The following FAAH2 variants were observed in gnomAD, a reference collection of about 807,000 sequenced individuals.
The protein encoded by FAAH2 is fatty acid amide hydrolase 2, also known as fatty-acid amide hydrolase 2.
A neutral mutation model predicts 36.9 loss-of-function variants in FAAH2; 60 were observed. The observed-to-expected ratio is 1.63, with a 90% CI of 1.32 to 2.02. The LOEUF (loss-of-function observed/expected upper bound fraction) is 2.02, where lower values mean the gene tolerates loss of function less well. Ranked by LOEUF, FAAH2 falls within the 30% of genes most tolerant of loss-of-function variation. The pLI is 0.00. For missense variants in FAAH2, 689 were observed against 397.5 expected (o/e 1.73, Z -6.23); for synonymous variants, 214 against 143.8 (o/e 1.49, Z -3.49).
the FAAH2 span, among the ~76,000 whole-genome samples, chrX:57,216,618 ATATACGTATATATATATACG>A: frequency 1.1e-5 from 1 of 89,177 alleles, no homozygotes; most frequent in Non-Finnish European, 2.3e-5. Context: ...ACGTATATAT[ATATACGTATATATATATACG>A]TATATATATA....
the FAAH2 span, among the ~76,000 whole-genome samples, chrX:57,151,139 C>T: frequency 1.8e-5 from 2 of 112,536 alleles, no homozygotes; most frequent in Non-Finnish European, 3.7e-5. Flanking sequence ...CACTGTTAGT[C>T]TGATGGGCTT....
At chrX:57,484,705 T>C (rs1215408924) in intron 10 of FAAH2, among the ~76,000 whole-genome samples, 2 of 111,440 alleles carry the variant, frequency 1.8e-5, no homozygotes, top group African/African-American at 6.5e-5. Context: ...TTTCAGCCCA[T>C]GTGGTGAGTG....
intron 7 of FAAH2, among the ~76,000 whole-genome samples, chrX:57,409,537 G>A (rs2055648887): frequency 9.1e-6 from 1 of 110,387 alleles, no homozygotes; most frequent in Non-Finnish European, 1.9e-5. Flanking sequence ...TCTTTTTTTG[G>A]GAGAGTTGAT....
intron 10 of FAAH2, among the ~76,000 whole-genome samples, chrX:57,478,084 A>G (rs906723671): frequency 8.9e-6 from 1 of 111,956 alleles, no homozygotes; most frequent in Non-Finnish European, 1.9e-5. Context: ...ACAATAGTAG[A>G]ACTAGTTTAT....
At chrX:57,391,279 C>T (rs1445114598) in intron 7 of FAAH2, among the ~76,000 whole-genome samples, 4 of 111,140 alleles carry the variant, frequency 3.6e-5, no homozygotes, top group Non-Finnish European at 5.7e-5. Flanking sequence ...TGTCTTTTTG[C>T]TCTGTTGATT....
At chrX:57,205,155 T>G in the FAAH2 span, among the ~76,000 whole-genome samples, 1 of 112,537 alleles carries the variant, frequency 8.9e-6, no homozygotes, top group Non-Finnish European at 1.9e-5. Flanking sequence ...TAGATTCCAA[T>G]CTTCGAGGAC....
At chrX:57,358,608 C>T (rs1366743344) in intron 5 of FAAH2, among the ~76,000 whole-genome samples, 3 of 111,386 alleles carry the variant, frequency 2.7e-5, no homozygotes, top group African/African-American at 9.8e-5. Flanking sequence ...ACCTGTTCAT[C>T]TGTTGATGGA....
chrX:57,432,494 C>T (rs1477115923), intron 8 of FAAH2, among the ~76,000 whole-genome samples: 1 of 111,595 alleles, frequency 9.0e-6, no homozygotes, highest in Non-Finnish European at 1.9e-5. Context: ...CCTTTACCTT[C>T]CCCCTGAGAT....
chrX:57,203,982 G>A, the FAAH2 span, among the ~76,000 whole-genome samples: 1 of 111,299 alleles, frequency 9.0e-6, no homozygotes, highest in Non-Finnish European at 1.9e-5. Context: ...CAGATAACAG[G>A]AACTCTTGCT....
intron 10 of FAAH2, among the ~76,000 whole-genome samples, chrX:57,486,708 C>A (rs964339262): frequency 9.0e-6 from 1 of 111,617 alleles, no homozygotes; most frequent in Non-Finnish European, 1.9e-5. Flanking sequence ...ATGTTTACAG[C>A]TCTCTTTTCC....
In FAAH2 at chrX:57,309,127, T is replaced by C. The variant is rs750474343; in HGVS notation, c.276-1466T>C. Among the ~76,000 whole-genome samples the C allele has an allele frequency of 8.9e-4, 100 of 112,191 alleles. 1 individual carries two copies. The highest frequency in any genetic ancestry group is 1.7e-3 in the Non-Finnish European group (92 of 53,202). On this transcript the variant is annotated intron_variant, in intron 2 of 10. Transcript: ENST00000374900. ...TTTCAAGAATTAATATTTGTGATACTGAGAAATCACACTGGAATTGCATAC... is the reference window on the plus strand; with the variant it reads ...TTTCAAGAATTAATATTTGTGATACCGAGAAATCACACTGGAATTGCATAC...
At chrX:57,271,121 C>T in the FAAH2 span, among the ~76,000 whole-genome samples, 1 of 112,255 alleles carries the variant, frequency 8.9e-6, no homozygotes, top group East Asian at 2.8e-4. Flanking sequence ...ATCTGAGGTC[C>T]ACCTGGGACA....
the FAAH2 span, among the ~76,000 whole-genome samples, chrX:57,207,542 C>T: frequency 5.3e-5 from 6 of 112,156 alleles, no homozygotes; most frequent in Non-Finnish European, 1.9e-5. Flanking sequence ...ATTTGTGATT[C>T]CAAATCCTCC....
intron 8 of FAAH2, among the ~76,000 whole-genome samples, chrX:57,443,427 C>T (rs1278738018): frequency 2.7e-5 from 3 of 112,138 alleles, no homozygotes; most frequent in African/African-American, 9.7e-5. Flanking sequence ...GCATTCATCA[C>T]GTAGTTCTCG....
the FAAH2 span, among the ~76,000 whole-genome samples, chrX:57,192,236 C>A: frequency 2.0e-4 from 22 of 111,079 alleles, no homozygotes; most frequent in African/African-American, 6.2e-4. Flanking sequence ...AATGTGATTG[C>A]TTTTATATTT....
chrX:57,160,413 T>C, the FAAH2 span, among the ~76,000 whole-genome samples: 18 of 112,107 alleles, frequency 1.6e-4, no homozygotes, highest in African/African-American at 5.2e-4. Flanking sequence ...TCAAAAGGAA[T>C]GGTATCAGCT....
intron 7 of FAAH2, among the ~76,000 whole-genome samples, chrX:57,423,665 C>A (rs1415573898): frequency 9.0e-6 from 1 of 110,796 alleles, no homozygotes; most frequent in Non-Finnish European, 1.9e-5. Flanking sequence ...GGAGCATTGC[C>A]CCAGTGGTGT....
intron 5 of FAAH2, among the ~76,000 whole-genome samples, chrX:57,349,183 A>ATG (rs1207790564): frequency 1.1e-5 from 1 of 88,755 alleles, no homozygotes; most frequent in East Asian, 3.4e-4. Flanking sequence ...ATATGTATAC[A>ATG]TATATGTATA....
chrX:57,150,299 A>C, the FAAH2 span, among the ~76,000 whole-genome samples: 1 of 111,563 alleles, frequency 9.0e-6, no homozygotes, highest in Non-Finnish European at 1.9e-5. Context: ...AGCTGAGTTG[A>C]ATTCCTGGAT....
Sources: gnomAD v4.1 joint callset for allele counts (sites outside exome capture counted in the v4.1 genomes callset) on GRCh38, gnomAD v4.1.1 for gene constraint, MANE v1.5 for transcripts, NCBI Gene and HGNC (gene_info 2026-07-23, HGNC 2026-07-21) for gene names.